The following ATRNL1 variants were observed in gnomAD, a reference collection of about 807,000 sequenced individuals.
ATRNL1 encodes the protein attractin-like protein 1.
A neutral mutation model predicts 182.7 loss-of-function variants in ATRNL1; 95 were observed. That is an observed-to-expected ratio of 0.52 (90% CI 0.44 to 0.62). The LOEUF (loss-of-function observed/expected upper bound fraction) is 0.62. Ranked by LOEUF, ATRNL1 falls within the 20% of genes least tolerant of loss-of-function variation. The pLI is 0.00. For missense variants in ATRNL1, 1,471 were observed against 1,679.5 expected (o/e 0.88, Z 2.17); for synonymous variants, 576 against 568.3 (o/e 1.01, Z -0.19).
intron 28 of ATRNL1, among the ~76,000 whole-genome samples, chr10:115,944,275 G>T: frequency 1.6e-5 from 1 of 63,490 alleles, no homozygotes; most frequent in East Asian, 3.5e-4. Context: ...AACATGACTA[G>T]TTTTGTTCCT....
At chr10:115,319,341 C>A (rs1225700148) in intron 18 of ATRNL1, among the ~76,000 whole-genome samples, 1 of 152,116 alleles carries the variant, frequency 6.6e-6, no homozygotes, top group African/African-American at 2.4e-5. Flanking sequence ...TGCCATGTGG[C>A]ACTGAGAATA....
At chr10:115,736,569 G>C (rs1555065775) in intron 27 of ATRNL1, among the ~76,000 whole-genome samples, 1 of 151,974 alleles carries the variant, frequency 6.6e-6, no homozygotes, top group Admixed American at 6.6e-5. Flanking sequence ...CAATCATTAT[G>C]ACTGATTTCC....
chr10:115,374,453 T>TTCC (rs1421460494), intron 19 of ATRNL1, among the ~76,000 whole-genome samples: 3 of 135,798 alleles, frequency 2.2e-5, no homozygotes. Flanking sequence ...CCTTCCTTCC[T>TTCC]TTCCTTCCTT....
intron 26 of ATRNL1, among the ~76,000 whole-genome samples, chr10:115,686,477 A>T (rs1243241450): frequency 2.0e-5 from 3 of 152,034 alleles, no homozygotes; most frequent in Admixed American, 2.0e-4. Flanking sequence ...ATTAACCTTC[A>T]TTAATCTGCA....
intron 1 of ATRNL1, among the ~76,000 whole-genome samples, chr10:115,095,619 A>G (rs1554862916): frequency 1.3e-5 from 2 of 152,120 alleles, no homozygotes; most frequent in African/African-American, 4.8e-5. Flanking sequence ...TTTTTAAAAA[A>G]ATTAGGAGAG....
chr10:115,101,784 T>C (rs1236699107), intron 1 of ATRNL1, among the ~76,000 whole-genome samples: 1 of 152,188 alleles, frequency 6.6e-6, no homozygotes, highest in East Asian at 1.9e-4. Flanking sequence ...TCTTCATTAG[T>C]GTTTGGTGGA....
intron 5 of ATRNL1, among the ~76,000 whole-genome samples, chr10:115,153,720 C>T (rs1279949152): frequency 6.6e-6 from 1 of 152,100 alleles, no homozygotes. Flanking sequence ...CTATCTCCTT[C>T]AGTTCTGCTC....
intron 13 of ATRNL1, among the ~76,000 whole-genome samples, chr10:115,269,302 A>T (rs782632088): frequency 1.2e-4 from 19 of 152,066 alleles, no homozygotes; most frequent in Non-Finnish European, 2.4e-4. Flanking sequence ...AAAATTTTAA[A>T]AAGTAGTATT....
intron 17 of ATRNL1, among the ~76,000 whole-genome samples, chr10:115,313,031 T>G (rs1175691839): frequency 1.3e-5 from 2 of 151,976 alleles, no homozygotes; most frequent in Non-Finnish European, 2.9e-5. Context: ...ATTTATATCC[T>G]GAATTGTTTT....
rs188591814 is a variant in ATRNL1 at position 115,270,219 on chromosome 10, C to T, written c.2100+1775C>T. Among the ~76,000 whole-genome samples, 233 of 142,898 alleles carry T rather than the reference C, an allele frequency of 1.6e-3. 5 individuals carry two copies. Among genetic ancestry groups the T allele is most frequent in the South Asian group, 1.5e-3 (7 of 4,732 alleles). The allele number at this position is 142,898 out of a possible 152,430, so 93.7% of individuals were successfully genotyped here. A position where few individuals can be genotyped will look rare whatever the true frequency, so the allele number is the denominator to read the frequency against. ...ATCTGTCTATATATATATATACACA[C>T]ATACACAGTTTATATATATAAATAA... On this transcript the variant is annotated intron_variant, in intron 13 of 28. Coordinates refer to ENST00000355044, the MANE Select transcript of ATRNL1 (RefSeq NM_207303.4).
chr10:115,728,724 T>C (rs1204981046), intron 27 of ATRNL1, among the ~76,000 whole-genome samples: 6 of 152,178 alleles, frequency 3.9e-5, no homozygotes, highest in Admixed American at 6.5e-5. Context: ...TTCCCTATGA[T>C]TTTTAAGACA....
At chr10:115,275,129 T>C (rs1426129482) in intron 13 of ATRNL1, among the ~76,000 whole-genome samples, 2 of 152,214 alleles carry the variant, frequency 1.3e-5, no homozygotes, top group East Asian at 3.9e-4. Flanking sequence ...TTTCGCTCCG[T>C]AATTGTCCTC....
intron 24 of ATRNL1, among the ~76,000 whole-genome samples, chr10:115,478,237 G>C (rs1366566942): frequency 6.6e-6 from 1 of 151,656 alleles, no homozygotes; most frequent in Non-Finnish European, 1.5e-5. Flanking sequence ...TCAGGAATCT[G>C]GGCATGAGTT....
chr10:115,456,830 T>C (rs1184765215), intron 21 of ATRNL1, among the ~76,000 whole-genome samples: 2 of 152,244 alleles, frequency 1.3e-5, no homozygotes, highest in East Asian at 1.9e-4. Context: ...TCACTTCAGA[T>C]GCATGCTCAC....
At chr10:115,658,615 A>G (rs1432055704) in intron 26 of ATRNL1, among the ~76,000 whole-genome samples, 5 of 152,052 alleles carry the variant, frequency 3.3e-5, no homozygotes, top group African/African-American at 7.2e-5. Flanking sequence ...TATCCTCCCT[A>G]TCTGGTCAGG....
At chr10:115,324,557 A>G (rs529771973) in intron 18 of ATRNL1, among the ~76,000 whole-genome samples, 23 of 152,250 alleles carry the variant, frequency 1.5e-4, no homozygotes, top group South Asian at 8.3e-4. Flanking sequence ...TTGGTGGTTT[A>G]TTCACCAAAT....
At chr10:115,324,934 A>G (rs1166570915) in intron 18 of ATRNL1, among the ~76,000 whole-genome samples, 4 of 152,144 alleles carry the variant, frequency 2.6e-5, no homozygotes, top group African/African-American at 9.7e-5. Context: ...CATTTCTAGC[A>G]TCTGATAATT....
At chr10:115,126,577 AATT>A (rs1318251974) in intron 3 of ATRNL1, among the ~76,000 whole-genome samples, 1 of 152,184 alleles carries the variant, frequency 6.6e-6, no homozygotes, top group Non-Finnish European at 1.5e-5. Flanking sequence ...ATGTAATAAT[AATT>A]ACTAAAGCGT....
At chr10:115,845,278 T>A (rs1370878303) in intron 27 of ATRNL1, among the ~76,000 whole-genome samples, 2 of 152,064 alleles carry the variant, frequency 1.3e-5, no homozygotes, top group Admixed American at 1.3e-4. Flanking sequence ...ATACAGAAAT[T>A]TCTGAATGTT....
Sources: gnomAD v4.1 joint callset for allele counts (sites outside exome capture counted in the v4.1 genomes callset) on GRCh38, gnomAD v4.1.1 for gene constraint, MANE v1.5 for transcripts, NCBI Gene and HGNC (gene_info 2026-07-23, HGNC 2026-07-21) for gene names.